GALNT7: variants seen among roughly 807,000 people sequenced by gnomAD.
GALNT7 encodes the protein polypeptide N-acetylgalactosaminyltransferase 7.
Under a neutral mutation model 82.1 loss-of-function variants are expected in GALNT7, and 60 were observed. The observed-to-expected ratio is 0.73, with a 90% CI of 0.59 to 0.91. The LOEUF is 0.91. Among genes scored for constraint, GALNT7 ranks in the 40% least tolerant of loss-of-function variants. The pLI is 0.00. For synonymous variants in GALNT7, 243 were observed against 275.1 expected (o/e 0.88, Z 1.15); for missense variants, 660 against 804.2 (o/e 0.82, Z 2.17).
intron 6 of GALNT7, among the ~76,000 whole-genome samples, chr4:173,300,740 A>G (rs879384761): frequency 5.3e-5 from 8 of 152,006 alleles, no homozygotes; most frequent in Non-Finnish European, 1.2e-4. Context: ...GGCAGAAGAC[A>G]ATAAAGGACA....
intron 2 of GALNT7, chr4:173,282,325 G>T (rs1164267066): frequency 1.3e-5 from 2 of 152,156 alleles, no homozygotes; most frequent in African/African-American, 4.8e-5. Context: ...CTTTTTCCTG[G>T]GAGCTTGCTA....
chr4:173,288,301 A>AAAAAAAAAAAAG (rs1289159201), intron 2 of GALNT7, among the ~76,000 whole-genome samples: 1 of 148,364 alleles, frequency 6.7e-6, no homozygotes, highest in African/African-American at 2.6e-5. Context: ...AAAAAAAAAA[A>AAAAAAAAAAAAG]AAAAGAAAAG....
chr4:173,212,833 T>C (rs1733325425), intron 1 of GALNT7, among the ~76,000 whole-genome samples: 1 of 152,140 alleles, frequency 6.6e-6, no homozygotes, highest in East Asian at 1.9e-4. Flanking sequence ...GTGTCTAACA[T>C]AGGACATTAA....
rs1463015717 is a variant in GALNT7, at chr4:173,320,384, C to A, written c.1837-1196C>A. On this transcript the variant is annotated intron_variant, in intron 11 of 11. Coordinates refer to ENST00000265000, the MANE Select transcript of GALNT7 (RefSeq NM_017423.3). The surrounding 1 kb of genome is among the most constrained non-coding windows in gnomAD (Gnocchi z 4.1). Reference sequence around the variant, plus strand: ...AAGTAATAATAATATACTTATTAAACATTAATGTAAATGACATTTTTAATG... The same window carrying A: ...AAGTAATAATAATATACTTATTAAAAATTAATGTAAATGACATTTTTAATG... 6.6e-6 allele frequency among the ~76,000 whole-genome samples: 1 copy of A among 151,970 alleles called. No homozygotes were observed. The highest frequency in any genetic ancestry group is 6.6e-5 in the Admixed American group (1 of 15,248).
At chr4:173,172,732 G>T (rs1289010183) in intron 1 of GALNT7, among the ~76,000 whole-genome samples, 2 of 152,174 alleles carry the variant, frequency 1.3e-5, no homozygotes, top group Non-Finnish European at 2.9e-5. Context: ...GAGCATTTGG[G>T]CAAAGGTCCT....
intron 2 of GALNT7, among the ~76,000 whole-genome samples, chr4:173,271,347 T>G (rs1735714966): frequency 6.6e-6 from 1 of 152,208 alleles, no homozygotes; most frequent in Non-Finnish European, 1.5e-5. Flanking sequence ...GAAAGAAGTA[T>G]TTATGTTTAG....
chr4:173,260,347 G>C (rs921249868), intron 2 of GALNT7, among the ~76,000 whole-genome samples: 1 of 152,184 alleles, frequency 6.6e-6, no homozygotes. Context: ...AAGCAATTCT[G>C]TCAGGCTGTT....
chr4:173,182,873 A>T (rs115523907), intron 1 of GALNT7, among the ~76,000 whole-genome samples: 4,348 of 140,356 alleles, frequency 0.031, 93 homozygotes, highest in Non-Finnish European at 0.049. Context: ...TGATTCTTTT[A>T]AATTAAAGAT....
At chr4:173,195,534 A>C (rs1236996809) in intron 1 of GALNT7, among the ~76,000 whole-genome samples, 1 of 152,214 alleles carries the variant, frequency 6.6e-6, no homozygotes, top group Non-Finnish European at 1.5e-5. Flanking sequence ...ATTAAAAAAC[A>C]CTGTACTTCC....
At chr4:173,298,894 G>A (rs1736816247) in intron 6 of GALNT7, among the ~76,000 whole-genome samples, 1 of 152,172 alleles carries the variant, frequency 6.6e-6, no homozygotes, top group African/African-American at 2.4e-5. Flanking sequence ...AAAAGTGATT[G>A]ATTAAAAGAA....
At chr4:173,209,842 G>A (rs1733217156) in intron 1 of GALNT7, among the ~76,000 whole-genome samples, 1 of 152,174 alleles carries the variant, frequency 6.6e-6, no homozygotes, top group African/African-American at 2.4e-5. Flanking sequence ...AGCAATTTAC[G>A]AAACACTCAT....
Position 173,197,434 on chromosome 4 carries a change from TAATC to T in GALNT7, c.126+28477_126+28480del, listed in dbSNP as rs140187726. 5.2e-3 allele frequency among the ~76,000 whole-genome samples: 797 copies of T among 152,372 alleles called. 9 individuals carry two copies. Among genetic ancestry groups the T allele is most frequent in the African/African-American group, 0.018 (765 of 41,588 alleles). ...TTATGATAAAAAGTAATTTACTTGT[TAATC>T]AATTTAATTCAGCAATGGGAAAAGA... On this transcript the variant is annotated intron_variant, in intron 1 of 11. Coordinates refer to ENST00000265000, the MANE Select transcript of GALNT7 (RefSeq NM_017423.3).
chr4:173,306,966 G>C (rs1433437172), intron 8 of GALNT7, among the ~76,000 whole-genome samples: 4 of 152,162 alleles, frequency 2.6e-5, no homozygotes, highest in Non-Finnish European at 5.9e-5. Context: ...AAGGTGTGAG[G>C]GTACTTGCTT....
At chr4:173,274,643 G>A (rs960722405) in intron 2 of GALNT7, among the ~76,000 whole-genome samples, 3 of 152,144 alleles carry the variant, frequency 2.0e-5, no homozygotes, top group Non-Finnish European at 4.4e-5. Flanking sequence ...CAGGGTTACT[G>A]TGAAACTCAC....
chr4:173,232,660 T>A lies in GALNT7; in HGVS notation c.127-15320T>A, dbSNP rs554487520. On this transcript the variant is annotated intron_variant, in intron 1 of 11. Coordinates refer to ENST00000265000, the MANE Select transcript of GALNT7 (RefSeq NM_017423.3). ...TATGCTGCCGAGGCATGTCTCAAAC[T>A]CCTACCCTCAAGAGATCCTCCTGCC... Among the ~76,000 whole-genome samples, 54 of 152,216 alleles carry A rather than the reference T, an allele frequency of 3.5e-4. 1 individual carries two copies. In the South Asian group the frequency reaches 0.011, roughly 31 times the overall value.
chr4:173,173,137 GT>G (rs1458593687), intron 1 of GALNT7, among the ~76,000 whole-genome samples: 1 of 152,112 alleles, frequency 6.6e-6, no homozygotes, highest in Admixed American at 6.5e-5. Flanking sequence ...GGATATGGTA[GT>G]GAAGGTGTCA....
At chr4:173,185,876 T>C (rs1356803966) in intron 1 of GALNT7, among the ~76,000 whole-genome samples, 1 of 152,234 alleles carries the variant, frequency 6.6e-6, no homozygotes, top group Non-Finnish European at 1.5e-5. Flanking sequence ...CTAGTGATGT[T>C]TTCTTGTCAC....
chr4:173,264,071 A>C (rs892837667), intron 2 of GALNT7, among the ~76,000 whole-genome samples: 2 of 152,174 alleles, frequency 1.3e-5, no homozygotes, highest in African/African-American at 4.8e-5. Flanking sequence ...TAGTCTTAGG[A>C]CCAAATTTTC....
At chr4:173,178,789 T>C (rs914072078) in intron 1 of GALNT7, among the ~76,000 whole-genome samples, 5 of 152,224 alleles carry the variant, frequency 3.3e-5, no homozygotes, top group Admixed American at 3.3e-4. Flanking sequence ...TAGTATTATA[T>C]CAATACCAAC....
Sources: allele counts gnomAD v4.1 joint callset (sites outside exome capture counted in the v4.1 genomes callset), GRCh38; gene constraint gnomAD v4.1.1; non-coding constraint Gnocchi (gnomAD v3.1); transcripts MANE v1.5; gene names NCBI Gene and HGNC (gene_info 2026-07-23, HGNC 2026-07-21).